PUDP: variants seen among roughly 807,000 people sequenced by gnomAD.
The protein encoded by PUDP is pseudouridine-5'-phosphatase.
Under a neutral mutation model 9.4 loss-of-function variants are expected in PUDP, and 8 were observed. The observed-to-expected ratio is 0.85, with a 90% CI of 0.50 to 1.53. The LOEUF is 1.53. Among genes scored for constraint, PUDP ranks in the 40% most tolerant of loss-of-function variants. The probability of loss-of-function intolerance (pLI) is 0.00; values close to 1 mark genes in which losing one functional copy is unlikely to be tolerated. For missense variants in PUDP, 188 were observed against 189.7 expected, an observed-to-expected ratio of 0.99 and a Z score of 0.05; for synonymous variants, 99 against 80.7, an observed-to-expected ratio of 1.23 and a Z score of -1.22.
At chrX:6,991,933 T>C (rs975627847) in intron 1 of PUDP, among the ~76,000 whole-genome samples, 11 of 110,817 alleles carry the variant, frequency 9.9e-5, no homozygotes, top group African/African-American at 3.6e-4. Context: ...AGGGGAGGAA[T>C]TTGAGACTGT....
At chrX:6,913,593 T>C (rs1927879995) in intron 3 of PUDP, among the ~76,000 whole-genome samples, 1 of 111,837 alleles carries the variant, frequency 8.9e-6, no homozygotes, top group Admixed American at 9.5e-5. Context: ...GTTTTTCATC[T>C]TACCCACTCC....
chrX:6,818,239 C>A (rs1926283522), intron 3 of PUDP, among the ~76,000 whole-genome samples: 1 of 111,923 alleles, frequency 8.9e-6, no homozygotes, highest in Non-Finnish European at 1.9e-5. Context: ...ACATGCTGAG[C>A]AACTCTCAGC....
At chrX:7,135,832 T>A (rs142887286) in intron 1 of PUDP, among the ~76,000 whole-genome samples, 259 of 111,242 alleles carry the variant, frequency 2.3e-3, no homozygotes, top group Middle Eastern at 4.6e-3. Flanking sequence ...CCTGAAAACA[T>A]GCAGATGCCC....
chrX:6,927,224 G>T (rs1241656232), intron 3 of PUDP, among the ~76,000 whole-genome samples: 1 of 110,864 alleles, frequency 9.0e-6, no homozygotes, highest in Non-Finnish European at 1.9e-5. Flanking sequence ...ATGAGCCATG[G>T]TGCCTGGCCA....
At chrX:7,045,953 A>G (rs753154005), downstream of PUDP, among the ~76,000 whole-genome samples, 1 of 112,589 alleles carries the variant, frequency 8.9e-6, no homozygotes, top group South Asian at 3.7e-4. Context: ...AAATGCAGTG[A>G]AAACATCCTT....
At chrX:6,877,835 C>T (rs1386474192) in intron 3 of PUDP, among the ~76,000 whole-genome samples, 1 of 111,743 alleles carries the variant, frequency 8.9e-6, no homozygotes, top group African/African-American at 3.3e-5. Flanking sequence ...ACTACAGAAC[C>T]TGTCCCCACT....
At chrX:7,047,207 T>C (rs972812242), downstream of PUDP, among the ~76,000 whole-genome samples, 11 of 112,145 alleles carry the variant, frequency 9.8e-5, no homozygotes, top group Admixed American at 1.0e-3. Context: ...CTCTGTCCCT[T>C]GTGTTTTCCA....
At chrX:6,862,044 G>A (rs1927010304) in intron 3 of PUDP, among the ~76,000 whole-genome samples, 2 of 111,908 alleles carry the variant, frequency 1.8e-5, no homozygotes, top group African/African-American at 3.2e-5. Flanking sequence ...AACTGAGAAC[G>A]GTCAAGGGAA....
chrX:6,807,629 G>A (rs1002791793), intron 3 of PUDP, among the ~76,000 whole-genome samples: 3 of 111,825 alleles, frequency 2.7e-5, no homozygotes, highest in Non-Finnish European at 5.6e-5. Flanking sequence ...GCTTGCCGTC[G>A]GAGGGTGGCG....
At chrX:6,799,440 TA>T (rs1380495724) in intron 3 of PUDP, among the ~76,000 whole-genome samples, 1 of 112,264 alleles carries the variant, frequency 8.9e-6, no homozygotes, top group Non-Finnish European at 1.9e-5. Context: ...TGGAGGGCTT[TA>T]AAAAATTCTT....
intron 3 of PUDP, among the ~76,000 whole-genome samples, chrX:6,961,841 C>T (rs1259672005): frequency 4.5e-5 from 5 of 111,496 alleles, no homozygotes; most frequent in African/African-American, 9.8e-5. Context: ...GGTCTTTACC[C>T]GTGATAGCAA....
chrX:6,774,755 G>A (rs537279979), intron 3 of PUDP, among the ~76,000 whole-genome samples: 3 of 112,040 alleles, frequency 2.7e-5, no homozygotes, highest in East Asian at 2.8e-4. Context: ...AAGCTCCCTT[G>A]TGCTTCACTG....
intron 3 of PUDP, among the ~76,000 whole-genome samples, chrX:6,927,128 C>G (rs1160451125): frequency 9.3e-6 from 1 of 107,864 alleles, no homozygotes; most frequent in Non-Finnish European, 1.9e-5. Context: ...GAGATGATGT[C>G]CTAATATGTT....
intron 1 of PUDP, among the ~76,000 whole-genome samples, chrX:7,141,719 G>C (rs767644732): frequency 9.4e-6 from 1 of 106,088 alleles, no homozygotes; most frequent in East Asian, 2.8e-4. Context: ...AGCTAGAGAG[G>C]AGAAGTCAGT....
At chrX:6,816,681 C>T (rs1010942074) in intron 3 of PUDP, among the ~76,000 whole-genome samples, 2 of 97,914 alleles carry the variant, frequency 2.0e-5, no homozygotes, top group African/African-American at 3.7e-5. Flanking sequence ...ACTATATATA[C>T]CATATAGCAT....
intron 2 of PUDP, chrX:7,085,168 T>C (rs1416402548): frequency 8.9e-6 from 1 of 112,613 alleles, no homozygotes; most frequent in Admixed American, 9.4e-5. Flanking sequence ...TCCATTCTTA[T>C]TTCTTGCCTA....
intron 1 of PUDP, among the ~76,000 whole-genome samples, chrX:7,021,509 T>C (rs1480417277): frequency 8.9e-6 from 1 of 112,239 alleles, no homozygotes; most frequent in African/African-American, 3.2e-5. Flanking sequence ...TGTCATGAAC[T>C]GTTGGTTAAA....
At chrX:6,743,492 A>T (rs1197125469) in intron 3 of PUDP, among the ~76,000 whole-genome samples, 7 of 112,277 alleles carry the variant, frequency 6.2e-5, no homozygotes, top group African/African-American at 1.9e-4. Context: ...ACCTGGTTTT[A>T]TCTTCACTTC....
At chrX:6,903,636 C>T (rs923606317) in intron 3 of PUDP, among the ~76,000 whole-genome samples, 4 of 111,248 alleles carry the variant, frequency 3.6e-5, no homozygotes, top group East Asian at 2.8e-4. Flanking sequence ...ACGTCCTTTA[C>T]GGCAACATGG....
Sources: gnomAD v4.1 joint callset for allele counts (sites outside exome capture counted in the v4.1 genomes callset) on GRCh38, gnomAD v4.1.1 for gene constraint, MANE v1.5 for transcripts, NCBI Gene and HGNC (gene_info 2026-07-23, HGNC 2026-07-21) for gene names.